Variants in NME9 observed in about 807,000 individuals in gnomAD.
The protein encoded by NME9 is thioredoxin domain-containing protein 6.
In NME9, 48 loss-of-function variants were observed where a neutral mutation model predicts 44.4. The observed-to-expected ratio is 1.08, with a 90% confidence interval of 0.86 to 1.37. The LOEUF (loss-of-function observed/expected upper bound fraction) is 1.37, where lower values mean the gene tolerates loss of function less well. Among genes scored for constraint, NME9 ranks in the 40% most tolerant of loss-of-function variants. The pLI, the probability that NME9 is intolerant of heterozygous loss-of-function variation, is 0.00. For synonymous variants in NME9, 139 were observed against 147.1 expected, an observed-to-expected ratio of 0.94 and a Z score of 0.40; for missense variants, 325 against 405.2, an observed-to-expected ratio of 0.80 and a Z score of 1.70.
rs1296741972 is a variant in NME9 at position 138,306,103 on chromosome 3, AATATAT to A, written c.544-13_544-8del. On this transcript the variant is annotated splice_region_variant and splice_polypyrimidine_tract_variant and intron_variant, in intron 7 of 10. Coordinates refer to ENST00000333911, the MANE Select transcript of NME9 (RefSeq NM_001349018.2). Reference sequence around the variant, plus strand: ...CAAACCCAGCTTCCTGAATCTGTAGAATATATATAAATATTCTAAAAGGGTAAATCA... The same window carrying A: ...CAAACCCAGCTTCCTGAATCTGTAGAATAAATATTCTAAAAGGGTAAATCA... 6.4e-7 allele frequency: 1 copy of A among 1,550,706 alleles called. No homozygotes were observed. Among genetic ancestry groups the A allele is most frequent in the Non-Finnish European group, 8.9e-7 (1 of 1,123,844 alleles).
In NME9 at chr3:138,288,402, C is replaced by G. The variant is rs141383930; in HGVS notation, c.745+15105G>C. 6.7e-3 allele frequency among the ~76,000 whole-genome samples: 1,026 copies of G among 152,324 alleles called. 8 individuals are homozygous for G. The highest frequency in any genetic ancestry group is 0.024 in the African/African-American group (981 of 41,546). ...GAATTGTCATATGACAGTGTTTCCT[C>G]GTGCATGGATTGAATCATAAATTGC... is the stretch of plus-strand genomic sequence containing the variant. On this transcript the variant is annotated intron_variant, in intron 8 of 8. Transcript: ENST00000317876.
At chr3:138,281,234 G>A (rs1216734717) in intron 8 of NME9, among the ~76,000 whole-genome samples, 1 of 151,210 alleles carries the variant, frequency 6.6e-6, no homozygotes, top group Non-Finnish European at 1.5e-5. Context: ...GTGTGTGTGT[G>A]TAGTTTTTAT....
rs190036642 is a variant in NME9, at chr3:138,328,576, T to A, written c.33+727A>T. 3.9e-5 allele frequency among the ~76,000 whole-genome samples: 6 copies of A among 152,218 alleles called. No individual in the cohort carries two copies. The East Asian group carries it at 1.2e-3, about 29-fold the overall frequency. ...CCAGCTGATGATGAGGCATTTTAAG[T>A]TCGTTTTAAAATGTTCCCATGTTGC... On this transcript the variant is annotated intron_variant, in intron 1 of 10. Coordinates refer to ENST00000333911, the MANE Select transcript of NME9 (RefSeq NM_001349018.2).
chr3:138,292,811 G>T (rs1308890098), intron 8 of NME9, among the ~76,000 whole-genome samples: 3 of 152,154 alleles, frequency 2.0e-5, no homozygotes, highest in Non-Finnish European at 4.4e-5. Context: ...AGAGAGAAAG[G>T]AGGACTAAGG....
chr3:138,316,553 C>T (rs1291854982), intron 4 of NME9, among the ~76,000 whole-genome samples: 2 of 152,150 alleles, frequency 1.3e-5, no homozygotes, highest in Non-Finnish European at 2.9e-5. Context: ...CTTCACAGTC[C>T]AGGTGGTATT....
chr3:138,287,567 T>A, intron 8 of NME9: 1 of 453,642 alleles, frequency 2.2e-6, no homozygotes, highest in South Asian at 1.6e-5. Flanking sequence ...GCTCATTTAT[T>A]CAACAAATAT....
chr3:138,263,583 T>A (rs1031160070), intron 8 of NME9: 3 of 681,586 alleles, frequency 4.4e-6, no homozygotes, highest in Non-Finnish European at 7.9e-6. Context: ...TCTGATGAGC[T>A]GCCCGCCCCC....
In NME9 at chr3:138,318,152, TA is replaced by T; in HGVS notation, c.262del (p.Tyr88MetfsTer23). ...RGKCEPTFLF[Y>X]AGGELVAVVR... ...TGATTCTGAAAATGTACTTACTGCA[TA>T]AAACAGAAAGGTTGGCTCGCACTTC... On this transcript the variant is annotated frameshift_variant, in exon 4 of 11. Transcript: ENST00000333911. LOFTEE classifies it high-confidence loss of function. 6.3e-7 allele frequency: 1 copy of T among 1,594,500 alleles called. No individual in the cohort carries two copies. The highest frequency in any genetic ancestry group is 1.1e-5 in the South Asian group (1 of 90,688).
intron 8 of NME9, chr3:138,264,035 T>A: frequency 8.7e-7 from 1 of 1,150,356 alleles, no homozygotes; most frequent in South Asian, 1.3e-5. Context: ...TAGATATGCT[T>A]GAAGTGTACA....
intron 8 of NME9, 131 bp downstream of exon 8, chr3:138,305,873 A>G: frequency 1.4e-6 from 1 of 697,710 alleles, no homozygotes; most frequent in Non-Finnish European, 2.6e-6. Flanking sequence ...GAATAAATTC[A>G]TGACCCACTT....
chr3:138,288,946 A>T, intron 8 of NME9: 1 of 920,844 alleles, frequency 1.1e-6, no homozygotes, highest in Non-Finnish European at 1.7e-6. Context: ...CCTGCTTCAG[A>T]CTTTTAGGTT....
In NME9 at chr3:138,306,790, C is replaced by G. The variant is rs956911206; in HGVS notation, c.461-310G>C. On this transcript the variant is annotated intron_variant, in intron 6 of 10. Coordinates refer to ENST00000333911, the MANE Select transcript of NME9 (RefSeq NM_001349018.2). ...AGGAGGAACATGGGAGAAGGGATTG[C>G]TCAAAGACTGCTTGGGACCAGAAAT... 6.6e-5 allele frequency among the ~76,000 whole-genome samples: 10 copies of G among 152,314 alleles called. No individual in the cohort carries two copies. The South Asian group carries it at 2.1e-3, about 32-fold the overall frequency.
rs578252201 is a variant in NME9 at position 138,327,442 on chromosome 3, G to A, written c.33+1861C>T. On this transcript the variant is annotated intron_variant, in intron 1 of 10. Coordinates refer to ENST00000333911, the MANE Select transcript of NME9 (RefSeq NM_001349018.2). ...TGGAGTGAGTCCCACCAGCTCTGGG[G>A]CCAGGACTCTGGGCAGTTGAAGAAT... Among the ~76,000 whole-genome samples, 45 of 152,208 alleles carry A rather than the reference G, an allele frequency of 3.0e-4. No homozygotes were observed. The South Asian group carries it at 8.1e-3, about 27-fold the overall frequency.
At chr3:138,312,966 C>A (rs1560111142) in intron 6 of NME9, among the ~76,000 whole-genome samples, 10 of 151,800 alleles carry the variant, frequency 6.6e-5, no homozygotes, top group Admixed American at 5.9e-4. Flanking sequence ...GACATTTCTC[C>A]AAAAAAAGAC....
chr3:138,319,475 T>C lies in NME9; in HGVS notation c.195+3A>G. 2 of 1,537,590 alleles carry C rather than the reference T, an allele frequency of 1.3e-6. No homozygotes were observed. The highest frequency in any genetic ancestry group is 1.8e-6 in the Non-Finnish European group (2 of 1,110,380). ...ATGACTGTTGGCTGAGAGAGAATCT[T>C]ACTAATGCAAAGTGCAGAAGGTCCA... On this transcript the variant is annotated splice_donor_region_variant and intron_variant, in intron 3 of 10. Coordinates refer to ENST00000333911, the MANE Select transcript of NME9 (RefSeq NM_001349018.2).
At chr3:138,296,048 TC>T, downstream of NME9, 1 of 593,572 alleles carries the variant, frequency 1.7e-6, no homozygotes, top group Non-Finnish European at 2.7e-6. Flanking sequence ...CTCAAATTCA[TC>T]TTGAGAACAT....
intron 8 of NME9, among the ~76,000 whole-genome samples, chr3:138,265,365 T>C (rs1177422969): frequency 6.6e-6 from 1 of 152,228 alleles, no homozygotes; most frequent in Admixed American, 6.5e-5. Flanking sequence ...ACTTGGTCTT[T>C]GGTCTATCAT....
chr3:138,271,267 C>G (rs2048762094), intron 8 of NME9, among the ~76,000 whole-genome samples: 1 of 152,226 alleles, frequency 6.6e-6, no homozygotes, highest in Admixed American at 6.5e-5. Flanking sequence ...TTTTTAAACT[C>G]ACTTTCTACC....
intron 1 of NME9, among the ~76,000 whole-genome samples, chr3:138,325,565 C>T (rs2053731638): frequency 6.6e-6 from 1 of 152,156 alleles, no homozygotes; most frequent in South Asian, 2.1e-4. Flanking sequence ...CATGCCACTA[C>T]ACCTGGCCAT....
Sources: gnomAD v4.1 joint callset for allele counts (sites outside exome capture counted in the v4.1 genomes callset) on GRCh38, gnomAD v4.1.1 for gene constraint, MANE v1.5 for transcripts, NCBI Gene and HGNC (gene_info 2026-07-23, HGNC 2026-07-21) for gene names.